The following CCDC40 variants were observed in gnomAD, a reference collection of about 807,000 sequenced individuals.
CCDC40 encodes the protein coiled-coil domain 40 molecular ruler complex subunit, also known as coiled-coil domain-containing protein 40.
A neutral mutation model predicts 124.5 loss-of-function variants in CCDC40; 104 were observed. That is an observed-to-expected ratio of 0.84 (90% CI 0.71 to 0.98). The LOEUF (loss-of-function observed/expected upper bound fraction) is 0.98, where lower values mean the gene tolerates loss of function less well. CCDC40 is among the 50% of genes least tolerant of loss of function. CCDC40 has a pLI of 0.00. For synonymous variants in CCDC40, 580 were observed against 602.9 expected, an observed-to-expected ratio of 0.96 and a Z score of 0.56; for missense variants, 1,463 against 1,503.9, an observed-to-expected ratio of 0.97 and a Z score of 0.45.
At chr17:80,098,371 C>G (rs1312463224) in intron 19 of CCDC40, among the ~76,000 whole-genome samples, 1 of 152,246 alleles carries the variant, frequency 6.6e-6, no homozygotes, top group Non-Finnish European at 1.5e-5. Context: ...TTAGCGGGCT[C>G]CCGCGCGCTC....
At position 80,086,757 on chromosome 17, in the gene CCDC40, T is replaced by C. The variant is rs2038596834; in HGVS notation, c.2449+541T>C. On this transcript the variant is annotated intron_variant, in intron 14 of 19. Transcript: ENST00000397545. The surrounding 1 kb of genome is among the most constrained non-coding windows in gnomAD (Gnocchi z 5.5). ...CCGAGACATCCCGGGTCCTGCCCGGTCTTGGGTCGGGGATCCATGCTGGTC... is the reference window on the plus strand; with the variant it reads ...CCGAGACATCCCGGGTCCTGCCCGGCCTTGGGTCGGGGATCCATGCTGGTC... 1 of 176,260 alleles carries C rather than the reference T, an allele frequency of 5.7e-6. No homozygotes were observed. Among genetic ancestry groups the C allele is most frequent in the East Asian group, 1.6e-4 (1 of 6,308 alleles). 10.9% of individuals were successfully genotyped at this position (176,260 alleles called of 1,614,324 possible). A position where few individuals can be genotyped will look rare whatever the true frequency, so the allele number is the denominator to read the frequency against.
intron 12 of CCDC40, among the ~76,000 whole-genome samples, chr17:80,084,336 C>T (rs1400546822): frequency 1.3e-5 from 2 of 152,052 alleles, no homozygotes; most frequent in African/African-American, 4.8e-5. Context: ...AACCGTCAAA[C>T]ACACAAAACC....
At chr17:80,055,740 G>T (rs2037717577) in intron 7 of CCDC40, among the ~76,000 whole-genome samples, 1 of 151,720 alleles carries the variant, frequency 6.6e-6, no homozygotes, top group Non-Finnish European at 1.5e-5. Context: ...CTAAGAGGAA[G>T]TTTTCGTCTC....
At chr17:80,078,052 G>A (rs997188118) in intron 10 of CCDC40, among the ~76,000 whole-genome samples, 3 of 152,148 alleles carry the variant, frequency 2.0e-5, no homozygotes, top group Admixed American at 6.6e-5. Context: ...GGGTCAGGCC[G>A]GGCACAGTGT....
intron 17 of CCDC40, chr17:80,090,152 CA>C (rs2143760767): frequency 2.1e-6 from 3 of 1,449,684 alleles, no homozygotes; most frequent in African/African-American, 1.4e-5. Flanking sequence ...TATTGCAGAA[CA>C]ACACAGGACG....
chr17:80,087,523 G>A lies in CCDC40; in HGVS notation c.2450-84G>A. 1 of 1,093,120 alleles carries A rather than the reference G, an allele frequency of 9.1e-7. No individual in the cohort carries two copies. The highest frequency in any genetic ancestry group is 1.4e-6 in the Non-Finnish European group (1 of 720,086). The allele number at this position is 1,093,120 out of a possible 1,614,324, so 67.7% of individuals were successfully genotyped here. On this transcript the variant is annotated intron_variant, in intron 14 of 19. Transcript: ENST00000397545. The surrounding 1 kb of genome is among the most constrained non-coding windows in gnomAD (Gnocchi z 4.5). Reference sequence around the variant, plus strand: ...GAGCTACAGGGAGAGACAAAACCTGGCTCACCTCTCGGACACTGCTGCCTG... The same window carrying A: ...GAGCTACAGGGAGAGACAAAACCTGACTCACCTCTCGGACACTGCTGCCTG...
Position 80,058,429 on chromosome 17 carries a change from TG to T in CCDC40, c.1160-60del. 2 of 1,493,790 alleles carry T rather than the reference TG, an allele frequency of 1.3e-6. No homozygotes were observed. The highest frequency in any genetic ancestry group is 1.9e-6 in the Non-Finnish European group (2 of 1,076,118). The allele number at this position is 1,493,790 out of a possible 1,614,324, so 92.5% of individuals were successfully genotyped here. ...CCCTGCTTCCTCCTGGGTCTCTGCATGGGGGACGCTGGGACAGCCTCCCCAC... is the reference window on the plus strand; with the variant it reads ...CCCTGCTTCCTCCTGGGTCTCTGCATGGGGACGCTGGGACAGCCTCCCCAC... On this transcript the variant is annotated intron_variant, in intron 7 of 19. Transcript: ENST00000397545. The surrounding 1 kb of genome is among the most constrained non-coding windows in gnomAD (Gnocchi z 4.2).
intron 1 of CCDC40, 78 bp downstream of exon 1, chr17:80,036,769 G>T (rs1198806261): frequency 2.9e-6 from 4 of 1,358,282 alleles, no homozygotes; most frequent in Non-Finnish European, 3.9e-6. Flanking sequence ...TGGCCCCCGC[G>T]TCGGCTCCTG....
intron 7 of CCDC40, among the ~76,000 whole-genome samples, chr17:80,055,576 T>C (rs2037714898): frequency 6.6e-6 from 1 of 152,190 alleles, no homozygotes; most frequent in Admixed American, 6.5e-5. Flanking sequence ...AGACGCATGA[T>C]ATAAAAATGC....
intron 16 of CCDC40, 159 bp from the exon 17 acceptor site, chr17:80,089,605 T>A (rs577008515): frequency 2.9e-6 from 2 of 691,196 alleles, no homozygotes; most frequent in Non-Finnish European, 2.4e-6. Flanking sequence ...AGGAGCCCAG[T>A]AGTGAACACT....
chr17:80,098,677 G>A (rs988876752), intron 19 of CCDC40, among the ~76,000 whole-genome samples: 24 of 152,214 alleles, frequency 1.6e-4, no homozygotes, highest in African/African-American at 5.1e-4. Flanking sequence ...GGTGGCTCAT[G>A]CCTGTAATCC....
chr17:80,056,009 TATATA>T (rs1434836080), intron 7 of CCDC40, among the ~76,000 whole-genome samples: 1 of 46,398 alleles, frequency 2.2e-5, no homozygotes, highest in African/African-American at 9.0e-5. Flanking sequence ...TATATATATA[TATATA>T]TATTTTTTTT....
chr17:80,080,826 G>C (rs2038429708), intron 10 of CCDC40, among the ~76,000 whole-genome samples: 1 of 152,132 alleles, frequency 6.6e-6, no homozygotes, highest in Non-Finnish European at 1.5e-5. Context: ...TACAGTGAGG[G>C]AGAAGGAACA....
At chr17:80,074,211 C>T (rs966205687) in intron 10 of CCDC40, among the ~76,000 whole-genome samples, 1 of 152,152 alleles carries the variant, frequency 6.6e-6, no homozygotes, top group Non-Finnish European at 1.5e-5. Context: ...GTGGTATGGA[C>T]AGAAGATCAA....
chr17:80,053,257 C>G (rs746900751), intron 7 of CCDC40, among the ~76,000 whole-genome samples: 74 of 152,284 alleles, frequency 4.9e-4, no homozygotes, highest in Non-Finnish European at 9.7e-4. Context: ...TTTCCAAATA[C>G]CACGGCAAAA....
chr17:80,095,901 C>T (rs2038802492), intron 18 of CCDC40, among the ~76,000 whole-genome samples: 1 of 152,224 alleles, frequency 6.6e-6, no homozygotes, highest in South Asian at 2.1e-4. Context: ...CGGGGACCAG[C>T]TGATGGGAGC....
chr17:80,097,147 G>C, intron 18 of CCDC40, 98 bp from the exon 19 acceptor site: 1 of 1,281,158 alleles, frequency 7.8e-7, no homozygotes, highest in Non-Finnish European at 1.1e-6. Flanking sequence ...TGGATGGAGT[G>C]TGTGGAAGGT....
intron 12 of CCDC40, among the ~76,000 whole-genome samples, chr17:80,083,725 C>A (rs1227984137): frequency 1.3e-5 from 2 of 152,230 alleles, no homozygotes; most frequent in East Asian, 3.9e-4. Flanking sequence ...CAGAAGGGAT[C>A]CAAAGTCTGT....
intron 10 of CCDC40, among the ~76,000 whole-genome samples, chr17:80,072,484 T>C (rs2038217078): frequency 6.6e-6 from 1 of 152,190 alleles, no homozygotes; most frequent in African/African-American, 2.4e-5. Context: ...CTTATTTTTA[T>C]TGTCAAATTT....
Sources: gnomAD v4.1 joint callset for allele counts (sites outside exome capture counted in the v4.1 genomes callset) on GRCh38, gnomAD v4.1.1 for gene constraint, Gnocchi (gnomAD v3.1) non-coding constraint, MANE v1.5 for transcripts, NCBI Gene and HGNC (gene_info 2026-07-23, HGNC 2026-07-21) for gene names.